The following SERINC2 variants were observed in gnomAD, a reference collection of about 807,000 sequenced individuals.
The protein encoded by SERINC2 is serine incorporator 2.
A neutral mutation model predicts 54.2 loss-of-function variants in SERINC2; 56 were observed. The ratio of observed to expected loss-of-function variants is 1.03; its 90% confidence interval spans 0.83 to 1.29. The LOEUF (loss-of-function observed/expected upper bound fraction) is 1.29. Ranked by LOEUF, SERINC2 falls within the 50% of genes most tolerant of loss-of-function variation. SERINC2 has a pLI of 0.00. For synonymous variants in SERINC2, 272 were observed against 253.1 expected (o/e 1.07, Z -0.71); for missense variants, 614 against 607.4 (o/e 1.01, Z -0.12).
At chr1:31,420,889 G>T (rs181112076) in intron 1 of SERINC2, among the ~76,000 whole-genome samples, 59 of 152,304 alleles carry the variant, frequency 3.9e-4, no homozygotes, top group Non-Finnish European at 6.6e-4. Context: ...AACTTGCTGT[G>T]TGACCTCTGG....
chr1:31,413,198 C>CG, upstream of SERINC2: 1 of 1,051,180 alleles, frequency 9.5e-7, no homozygotes, highest in Non-Finnish European at 1.1e-6. This position sits in a 1 kb window ranked among gnomAD's most constrained non-coding sequence, Gnocchi z 5.0. Flanking sequence ...GGGCCAGGCC[C>CG]GGCACCCGGA....
rs989811298 is a variant in SERINC2, at chr1:31,434,386, C to A, written c.*187C>A. The A allele has an allele frequency of 9.9e-6, 6 of 609,030 alleles. No individual in the cohort carries two copies. The highest frequency in any genetic ancestry group is 1.7e-5 in the Non-Finnish European group (6 of 348,762). 37.7% of individuals were successfully genotyped at this position (609,030 alleles called of 1,614,324 possible). ...CCTTCAGGGTCCGAGGAGCATCAGG[C>A]TCCTGCAGAGCCCCATCCCCCCGCC... On this transcript the variant is annotated 3_prime_UTR_variant, in exon 10 of 10. Coordinates refer to ENST00000373709, the MANE Select transcript of SERINC2 (RefSeq NM_178865.5).
chr1:31,412,419 G>T (rs889612409), upstream of SERINC2, among the ~76,000 whole-genome samples: 2 of 152,198 alleles, frequency 1.3e-5, no homozygotes, highest in African/African-American at 4.8e-5. Context: ...TAGGGAGTGT[G>T]TAGCTCCCAG....
upstream of SERINC2, among the ~76,000 whole-genome samples, chr1:31,412,219 A>G (rs915520602): frequency 6.6e-6 from 1 of 152,138 alleles, no homozygotes; most frequent in Non-Finnish European, 1.5e-5. Context: ...TCTTGTCCAG[A>G]GGTGGCTGAG....
Position 31,425,852 on chromosome 1 carries a change from C to T in SERINC2, c.549C>T (p.His183=), listed in dbSNP as rs1553133519. 1 of 1,613,598 alleles carries T rather than the reference C, an allele frequency of 6.2e-7. No homozygotes were observed. Among genetic ancestry groups the T allele is most frequent in the East Asian group, 2.2e-5 (1 of 44,898 alleles). Residue 183 remains histidine (H), a synonymous_variant, in exon 5 of 10, where the codon CAC becomes CAT. Coordinates refer to ENST00000373709, the MANE Select transcript of SERINC2 (RefSeq NM_178865.5). ...IQLVLLIDFA[H]SWNQRWLGKA... Reference sequence around the variant, plus strand: ...TGGTGCTGCTCATCGACTTTGCGCACTCCTGGAACCAGCGGTGGCTGGGCA... The same window carrying T: ...TGGTGCTGCTCATCGACTTTGCGCATTCCTGGAACCAGCGGTGGCTGGGCA...
At chr1:31,421,585 G>A (rs931595238) in intron 1 of SERINC2, among the ~76,000 whole-genome samples, 2 of 152,192 alleles carry the variant, frequency 1.3e-5, no homozygotes, top group Non-Finnish European at 2.9e-5. Context: ...AGTAAGAGGG[G>A]AGGCAGATGC....
chr1:31,425,154 G>GT (rs147334629), intron 3 of SERINC2, among the ~76,000 whole-genome samples, 176 bp from the exon 4 acceptor site: 2,225 of 152,254 alleles, frequency 0.015, 58 homozygotes, highest in African/African-American at 0.051. Context: ...GCCCCTTAGG[G>GT]TTTTTTCCAG....
intron 1 of SERINC2, chr1:31,415,950 G>A (rs574215122): frequency 6.1e-6 from 6 of 981,308 alleles, no homozygotes; most frequent in Non-Finnish European, 7.3e-6. Context: ...GGTCCACAGG[G>A]GATGGGGCCA....
rs1553131931 is a variant in SERINC2, at chr1:31,414,454, T to TGTGTGTGTGAGAGAGAGAGAGA, written c.39+1151_39+1152insTGTGTGTGAGAGAGAGAGAGAG. Reference sequence around the variant, plus strand: ...GTGTGTGTGTGTGTGTGTGTGTGTGTGAGAGAGAGAGAGAGAGAGAGGAGG... The same window carrying TGTGTGTGTGAGAGAGAGAGAGA: ...GTGTGTGTGTGTGTGTGTGTGTGTGTGTGTGTGTGAGAGAGAGAGAGAGAGAGAGAGAGAGAGAGAGAGGAGG... On this transcript the variant is annotated intron_variant, in intron 1 of 9. Transcript: ENST00000373709. The TGTGTGTGTGAGAGAGAGAGAGA allele has an allele frequency of 4.1e-6, 3 of 732,984 alleles. No individual in the cohort carries two copies. In the African/African-American group the frequency reaches 8.0e-5, roughly 19 times the overall value. 45.4% of individuals were successfully genotyped at this position (732,984 alleles called of 1,614,324 possible). A position where few individuals can be genotyped will look rare whatever the true frequency, so the allele number is the denominator to read the frequency against.
upstream of SERINC2, chr1:31,409,996 C>A: frequency 1.0e-6 from 1 of 977,868 alleles, no homozygotes; most frequent in Non-Finnish European, 1.5e-6. Context: ...TCAGAGTCTG[C>A]TTCCTTTGGG....
At chr1:31,425,665 G>T in intron 4 of SERINC2, 111 bp from the exon 5 acceptor site, 1 of 1,349,322 alleles carries the variant, frequency 7.4e-7, no homozygotes, top group Non-Finnish European at 1.0e-6. Flanking sequence ...CTGAGGGCAG[G>T]GACTCTGTTC....
upstream of SERINC2, chr1:31,409,869 A>G (rs781866112): frequency 1.0e-5 from 16 of 1,551,028 alleles, no homozygotes; most frequent in Admixed American, 2.0e-5. Flanking sequence ...GGGGATGGGG[A>G]GAGAATGGAT....
rs782516184 is a variant in SERINC2 at position 31,426,836 on chromosome 1, G to GT, written c.780+13_780+14insT. 2.1e-5 allele frequency: 33 copies of GT among 1,600,750 alleles called. No individual in the cohort carries two copies. Among genetic ancestry groups the GT allele is most frequent in the Admixed American group, 8.4e-5 (5 of 59,600 alleles). On this transcript the variant is annotated intron_variant, in intron 6 of 9. Coordinates refer to ENST00000373709, the MANE Select transcript of SERINC2 (RefSeq NM_178865.5). Reference sequence around the variant, plus strand: ...GCCCAAGGTCCAGGTGAGCCTGCCTGACCCCCCCTGGCCTGAAGCCCGGCC... The same window carrying GT: ...GCCCAAGGTCCAGGTGAGCCTGCCTGTACCCCCCCTGGCCTGAAGCCCGGCC...
At chr1:31,422,071 G>T (rs1444131287) in intron 1 of SERINC2, among the ~76,000 whole-genome samples, 1 of 152,144 alleles carries the variant, frequency 6.6e-6, no homozygotes. Flanking sequence ...GGCTGAGGTG[G>T]GCAGATTGCT....
intron 1 of SERINC2, among the ~76,000 whole-genome samples, chr1:31,416,126 C>A (rs1640776175): frequency 6.6e-6 from 1 of 152,178 alleles, no homozygotes; most frequent in Non-Finnish European, 1.5e-5. Flanking sequence ...TTGCCCATCC[C>A]CTTGTCTGTA....
chr1:31,412,704 T>C (rs898341805), upstream of SERINC2, among the ~76,000 whole-genome samples: 1 of 152,168 alleles, frequency 6.6e-6, no homozygotes, highest in East Asian at 1.9e-4. Context: ...CGATGGGGGC[T>C]TACATTTGTC....
chr1:31,413,907 C>G lies in SERINC2; in HGVS notation c.39+603C>G. 1 of 1,471,868 alleles carries G rather than the reference C, an allele frequency of 6.8e-7. No individual in the cohort carries two copies. Among genetic ancestry groups the G allele is most frequent in the Non-Finnish European group, 8.9e-7 (1 of 1,119,968 alleles). The allele number at this position is 1,471,868 out of a possible 1,614,324, so 91.2% of individuals were successfully genotyped here. A position where few individuals can be genotyped will look rare whatever the true frequency, so the allele number is the denominator to read the frequency against. ...CGTCTGCCCGTCCGCCCGTCCGTCC[C>G]TCAGTCTCTCTGCGGTCCCTTTACC... On this transcript the variant is annotated intron_variant, in intron 1 of 9. Coordinates refer to ENST00000373709, the MANE Select transcript of SERINC2 (RefSeq NM_178865.5). This position sits in a 1 kb window ranked among gnomAD's most constrained non-coding sequence, Gnocchi z 5.0.
At chr1:31,421,704 C>G (rs1640905110) in intron 1 of SERINC2, among the ~76,000 whole-genome samples, 1 of 152,326 alleles carries the variant, frequency 6.6e-6, no homozygotes, top group Non-Finnish European at 1.5e-5. Context: ...GCTCATCTTT[C>G]AATTCCTGAC....
At chr1:31,413,205 C>G (rs1182856601), upstream of SERINC2, 17 of 1,067,416 alleles carry the variant, frequency 1.6e-5, no homozygotes, top group African/African-American at 5.3e-5. The surrounding 1 kb of genome is among the most constrained non-coding windows in gnomAD (Gnocchi z 5.0). Flanking sequence ...GCCCGGCACC[C>G]GGATCCCGAG....
Sources: gnomAD v4.1 joint callset for allele counts (sites outside exome capture counted in the v4.1 genomes callset) on GRCh38, gnomAD v4.1.1 for gene constraint, Gnocchi (gnomAD v3.1) non-coding constraint, MANE v1.5 for transcripts, NCBI Gene and HGNC (gene_info 2026-07-23, HGNC 2026-07-21) for gene names.